Variants in SLC1A5 observed in about 807,000 individuals in gnomAD.
SLC1A5 encodes the protein neutral amino acid transporter B(0).
SLC1A5 carries 25 observed loss-of-function variants against 34.9 expected under a neutral mutation model. The observed-to-expected ratio is 0.72, with a 90% CI of 0.52 to 1.00. The LOEUF (loss-of-function observed/expected upper bound fraction) is 1.00, where lower values mean the gene tolerates loss of function less well. SLC1A5 is among the 50% of genes least tolerant of loss of function. The probability of loss-of-function intolerance (pLI) is 0.00; values close to 1 mark genes in which losing one functional copy is unlikely to be tolerated. For synonymous variants in SLC1A5, 351 were observed against 341.2 expected (o/e 1.03, Z -0.32); for missense variants, 637 against 740.0 (o/e 0.86, Z 1.61).
At position 46,782,520 on chromosome 19, in the gene SLC1A5, C is replaced by T; in HGVS notation, c.687G>A (p.Met229Ile). 1 of 1,614,108 alleles carries T rather than the reference C, an allele frequency of 6.2e-7. No individual in the cohort carries two copies. Among genetic ancestry groups the T allele is most frequent in the South Asian group, 1.1e-5 (1 of 91,082 alleles). Residue 229 changes from methionine to isoleucine, a missense_variant, in exon 4 of 8, where the codon ATG (methionine) becomes ATA (isoleucine). By Grantham distance (10) the Met-to-Ile change is conservative. Transcript: ENST00000542575. ...KVPVGQEVEG[M>I]NILGLVVFAI... ...CAAACACTACCAAGCCCAGGATGTT[C>T]ATCCCCTCCACCTCCTGCCCCACGG...
At chr19:46,786,697 G>A (rs893708985) in intron 1 of SLC1A5, among the ~76,000 whole-genome samples, 1 of 152,232 alleles carries the variant, frequency 6.6e-6, no homozygotes, top group Non-Finnish European at 1.5e-5. Flanking sequence ...CCATTCTTGG[G>A]GGCGCGGGGC....
Position 46,784,512 on chromosome 19 carries a change from C to G in SLC1A5, c.609+5G>C. On this transcript the variant is annotated splice_donor_5th_base_variant and intron_variant, in intron 2 of 7. Coordinates refer to ENST00000542575, the MANE Select transcript of SLC1A5 (RefSeq NM_005628.3). ...CATCCCCTCAGGACACCCCTGAGGA[C>G]TCACTGAGCGAAAGGCTGCTGACAC... The G allele has an allele frequency of 6.2e-7, 1 of 1,614,094 alleles. No individual in the cohort carries two copies. The highest frequency in any genetic ancestry group is 8.5e-7 in the Non-Finnish European group (1 of 1,180,016).
intron 2 of SLC1A5, 57 bp downstream of exon 2, chr19:46,784,460 T>C: frequency 6.2e-7 from 1 of 1,603,194 alleles, no homozygotes; most frequent in Non-Finnish European, 8.5e-7. Context: ...GGGCTCCCCC[T>C]GGCTGGCATC....
chr19:46,778,013 T>G (rs1281613477), intron 5 of SLC1A5, among the ~76,000 whole-genome samples: 1 of 152,160 alleles, frequency 6.6e-6, no homozygotes, highest in East Asian at 1.9e-4. Context: ...TGGGTCCTGC[T>G]GACTCTCACC....
intron 3 of SLC1A5, 21 bp downstream of exon 3, chr19:46,784,075 CG>C: frequency 6.2e-7 from 1 of 1,604,434 alleles, no homozygotes; most frequent in Non-Finnish European, 8.5e-7. Flanking sequence ...GTAGAGCCCC[CG>C]CTGCCTCCCA....
rs1408434968 is a variant in SLC1A5, at chr19:46,775,329, G to A, written c.*181C>T. 2.1e-6 allele frequency: 3 copies of A among 1,433,080 alleles called. No individual in the cohort carries two copies. The highest frequency in any genetic ancestry group is 2.9e-5 in the African/African-American group (2 of 69,968). 88.8% of individuals were successfully genotyped at this position (1,433,080 alleles called of 1,614,324 possible). A position where few individuals can be genotyped will look rare whatever the true frequency, so the allele number is the denominator to read the frequency against. ...GGGGGTTTTGAGGAGTAACCCTTGT[G>A]AACACATGTACTCCAGCAGCCAGGC... On this transcript the variant is annotated 3_prime_UTR_variant, in exon 8 of 8. Coordinates refer to ENST00000542575, the MANE Select transcript of SLC1A5 (RefSeq NM_005628.3).
Position 46,787,494 on chromosome 19 carries a change from C to T in SLC1A5, c.472G>A (p.Ala158Thr), listed in dbSNP as rs201671774. 739 of 1,584,022 alleles carry T rather than the reference C, an allele frequency of 4.7e-4. No homozygotes were observed. Among genetic ancestry groups the T allele is most frequent in the Non-Finnish European group, 6.2e-4 (723 of 1,166,142 alleles). ...GLALALQPGA[A>T]SAAINASVGA... ...ACGGAGGCGTTGATGGCGGCGGAGG[C>T]GGCGCCCGGCTGCAGAGCCAGCGCC... Residue 158 changes from alanine to threonine, a missense_variant, in exon 1 of 8, where the codon GCC becomes ACC. Coordinates refer to ENST00000542575, the MANE Select transcript of SLC1A5 (RefSeq NM_005628.3). The surrounding 1 kb of genome is among the most constrained non-coding windows in gnomAD (Gnocchi z 5.2).
In SLC1A5 at chr19:46,787,826, C is replaced by T. The variant is rs1232546273; in HGVS notation, c.140G>A (p.Arg47His). 3 of 1,551,412 alleles carry T rather than the reference C, an allele frequency of 1.9e-6. No individual in the cohort carries two copies. The highest frequency in any genetic ancestry group is 2.7e-5 in the African/African-American group (2 of 73,088). ...CACAAGCAGGTTGGCTCGAAGGCAG[C>T]GGCGCACCTGGTCCCGGGAACCGCA... ...GYCGSRDQVR[R>H]CLRANLLVLL... Residue 47 changes from arginine to histidine, a missense_variant, in exon 1 of 8, where the codon CGC becomes CAC. Physicochemically the swap from Arg to His is conservative, Grantham distance 29. Transcript: ENST00000542575. This position sits in a 1 kb window ranked among gnomAD's most constrained non-coding sequence, Gnocchi z 5.2.
intron 4 of SLC1A5, 33 bp downstream of exon 4, chr19:46,782,350 C>CCCCCCCCCCCCCCACCACA: frequency 1.6e-6 from 1 of 631,606 alleles, no homozygotes; most frequent in Non-Finnish European, 2.8e-6. Flanking sequence ...CCTCCAACCC[C>CCCCCCCCCCCCCCACCACA]ACCCACCCCC....
rs777794920 is a variant in SLC1A5 at position 46,777,320 on chromosome 19, CG to C, written c.1143del (p.Ile381MetfsTer32). ...AKHISRFILP[I>X]GATVNMDGAA... Reference sequence around the variant, plus strand: ...GCACCGTCCATGTTGACGGTGGCGCCGATGGGCAGGATGAAACGGCTGATGT... The same window carrying C: ...GCACCGTCCATGTTGACGGTGGCGCCATGGGCAGGATGAAACGGCTGATGT... On this transcript the variant is annotated frameshift_variant, in exon 6 of 8. Coordinates refer to ENST00000542575, the MANE Select transcript of SLC1A5 (RefSeq NM_005628.3). LOFTEE classifies it high-confidence loss of function. The C allele has an allele frequency of 6.2e-7, 1 of 1,613,672 alleles. No individual in the cohort carries two copies. Among genetic ancestry groups the C allele is most frequent in the East Asian group, 2.2e-5 (1 of 44,854 alleles).
chr19:46,775,917 TAA>T (rs78641737), intron 7 of SLC1A5, among the ~76,000 whole-genome samples, 170 bp from the exon 8 acceptor site: 13 of 143,078 alleles, frequency 9.1e-5, no homozygotes, highest in Non-Finnish European at 1.1e-4. Context: ...TATATATATT[TAA>T]AAAAAAAAAA....
chr19:46,779,698 G>A (rs1469883767), intron 4 of SLC1A5, among the ~76,000 whole-genome samples: 1 of 151,958 alleles, frequency 6.6e-6, no homozygotes, highest in Non-Finnish European at 1.5e-5. Context: ...AGGAGTTCTC[G>A]AGACCAGCTT....
At chr19:46,784,459 C>T in intron 2 of SLC1A5, 58 bp downstream of exon 2, 1 of 1,602,612 alleles carries the variant, frequency 6.2e-7, no homozygotes, top group Non-Finnish European at 8.5e-7. Context: ...AGGGCTCCCC[C>T]TGGCTGGCAT....
In SLC1A5 at chr19:46,777,412, G is replaced by C; in HGVS notation, c.1059-7C>G. Reference sequence around the variant, plus strand: ...CAGCGGCAGCGTGGCGGAACTGCAAGGGATGGGGGAGCTGAGTTAGGTTAA... The same window carrying C: ...CAGCGGCAGCGTGGCGGAACTGCAACGGATGGGGGAGCTGAGTTAGGTTAA... On this transcript the variant is annotated splice_region_variant and splice_polypyrimidine_tract_variant and intron_variant, in intron 5 of 7. Coordinates refer to ENST00000542575, the MANE Select transcript of SLC1A5 (RefSeq NM_005628.3). The C allele has an allele frequency of 6.2e-7, 1 of 1,601,168 alleles. No individual in the cohort carries two copies. The highest frequency in any genetic ancestry group is 8.5e-7 in the Non-Finnish European group (1 of 1,173,296).
intron 1 of SLC1A5, among the ~76,000 whole-genome samples, chr19:46,786,296 T>G (rs1447710321): frequency 6.6e-6 from 1 of 152,136 alleles, no homozygotes; most frequent in Admixed American, 6.5e-5. Context: ...TCCAGCTGTA[T>G]GTCATTTGGT....
At chr19:46,782,342 T>TGCAACCCCCCCCCCCCCCCCCCCCC in intron 4 of SLC1A5, 41 bp downstream of exon 4, 1 of 523,370 alleles carries the variant, frequency 1.9e-6, no homozygotes. Context: ...AGACCGACCC[T>TGCAACCCCCCCCCCCCCCCCCCCCC]CCAACCCCAC....
chr19:46,776,220 A>ATTT (rs2055087802), intron 7 of SLC1A5, among the ~76,000 whole-genome samples: 1 of 76,094 alleles, frequency 1.3e-5, no homozygotes, highest in African/African-American at 5.1e-5. Context: ...TTTTTTTTTG[A>ATTT]GACAGGATCT....
At position 46,787,917 on chromosome 19, in the gene SLC1A5, GCT is replaced by G; in HGVS notation, c.47_48del (p.Glu16AlafsTer193). 2 of 1,573,022 alleles carry G rather than the reference GCT, an allele frequency of 1.3e-6. No homozygotes were observed. Among genetic ancestry groups the G allele is most frequent in the Non-Finnish European group, 1.7e-6 (2 of 1,161,148 alleles). ...PRDSKGLAAA[E>X]PTANGGLALA... Reference sequence around the variant, plus strand: ...AGCGCCAGGCCCCCGTTGGCGGTGGGCTCCGCCGCTGCGAGCCCCTTGGAGTC... The same window carrying G: ...AGCGCCAGGCCCCCGTTGGCGGTGGGCCGCCGCTGCGAGCCCCTTGGAGTC... On this transcript the variant is annotated frameshift_variant, in exon 1 of 8. Transcript: ENST00000542575. LOFTEE classifies it high-confidence loss of function. This position sits in a 1 kb window ranked among gnomAD's most constrained non-coding sequence, Gnocchi z 5.2.
At chr19:46,786,386 G>C (rs534139766) in intron 1 of SLC1A5, among the ~76,000 whole-genome samples, 1 of 152,268 alleles carries the variant, frequency 6.6e-6, no homozygotes, top group Non-Finnish European at 1.5e-5. Context: ...AAACAGCCTC[G>C]GAGTGGGTGT....
Sources: gnomAD v4.1 joint callset for allele counts (sites outside exome capture counted in the v4.1 genomes callset) on GRCh38, gnomAD v4.1.1 for gene constraint, Gnocchi (gnomAD v3.1) non-coding constraint, MANE v1.5 for transcripts, NCBI Gene and HGNC (gene_info 2026-07-23, HGNC 2026-07-21) for gene names.